Variants in SLA2 observed in about 807,000 individuals in gnomAD.
The protein encoded by SLA2 is Src like adaptor 2, also known as src-like-adapter 2.
In SLA2, 22 loss-of-function variants were observed where a neutral mutation model predicts 27.3. That is an observed-to-expected ratio of 0.81 (90% CI 0.58 to 1.15). The LOEUF is 1.15. Ranked by LOEUF, SLA2 falls within the 50% of genes most tolerant of loss-of-function variation. The pLI is 0.00. For synonymous variants in SLA2, 131 were observed against 137.8 expected (o/e 0.95, Z 0.34); for missense variants, 304 against 322.2 (o/e 0.94, Z 0.43).
chr20:36,633,293 A>T (rs1418739116), intron 4 of SLA2, among the ~76,000 whole-genome samples: 2 of 151,752 alleles, frequency 1.3e-5, no homozygotes, highest in Non-Finnish European at 2.9e-5. Flanking sequence ...CCACCACGAG[A>T]TCCTGGCAAC....
At chr20:36,636,491 G>C (rs2039448722) in intron 2 of SLA2, among the ~76,000 whole-genome samples, 1 of 148,910 alleles carries the variant, frequency 6.7e-6, no homozygotes, top group South Asian at 2.1e-4. Context: ...TGTAGTCCCA[G>C]CTACTCAGGA....
At chr20:36,618,218 T>C (rs1349208462) in intron 5 of SLA2, among the ~76,000 whole-genome samples, 1 of 151,554 alleles carries the variant, frequency 6.6e-6, no homozygotes, top group East Asian at 1.9e-4. Context: ...ATAAGTAAGC[T>C]AGAATGGCTT....
At chr20:36,637,234 G>T (rs920432033) in intron 2 of SLA2, among the ~76,000 whole-genome samples, 1 of 125,932 alleles carries the variant, frequency 7.9e-6, no homozygotes, top group African/African-American at 3.2e-5. Context: ...ACGGAGTCTC[G>T]CTCTGTCGCC....
intron 5 of SLA2, among the ~76,000 whole-genome samples, chr20:36,624,861 G>A (rs912388162): frequency 6.6e-5 from 10 of 152,194 alleles, no homozygotes; most frequent in Admixed American, 3.9e-4. Flanking sequence ...GACTGACAGG[G>A]GAGCAGGTCA....
chr20:36,645,620 C>T (rs1380139405), intron 1 of SLA2, among the ~76,000 whole-genome samples: 1 of 152,132 alleles, frequency 6.6e-6, no homozygotes, highest in East Asian at 1.9e-4. Context: ...AGAGCGTAAG[C>T]TCCAAGAGGA....
intron 2 of SLA2, among the ~76,000 whole-genome samples, chr20:36,638,869 G>A (rs1349520115): frequency 3.3e-5 from 5 of 151,644 alleles, no homozygotes; most frequent in African/African-American, 2.4e-5. Flanking sequence ...TTTTTGAGAC[G>A]GAGTTTTGCT....
chr20:36,632,064 A>G (rs1294129143), intron 5 of SLA2, among the ~76,000 whole-genome samples: 1 of 152,100 alleles, frequency 6.6e-6, no homozygotes, highest in Non-Finnish European at 1.5e-5. Flanking sequence ...ACACTCAGAG[A>G]GTCCCTGTAA....
At chr20:36,625,416 G>A (rs1223135209) in intron 5 of SLA2, among the ~76,000 whole-genome samples, 1 of 151,920 alleles carries the variant, frequency 6.6e-6, no homozygotes, top group East Asian at 1.9e-4. Flanking sequence ...ATAGAGATGG[G>A]GTTTCACCAT....
chr20:36,622,231 G>T (rs559322146), intron 5 of SLA2, among the ~76,000 whole-genome samples: 1 of 142,928 alleles, frequency 7.0e-6, no homozygotes, highest in South Asian at 2.2e-4. Context: ...AAAAAAATTA[G>T]CTGGGCATGG....
At chr20:36,622,514 T>C (rs6101481) in intron 5 of SLA2, among the ~76,000 whole-genome samples, 3,902 of 151,612 alleles carry the variant, frequency 0.026, 173 homozygotes, top group African/African-American at 0.089. Flanking sequence ...CAAATTACCA[T>C]CAATTCAGCA....
intron 2 of SLA2, among the ~76,000 whole-genome samples, chr20:36,635,251 A>C (rs902443719): frequency 6.6e-6 from 1 of 151,560 alleles, no homozygotes; most frequent in African/African-American, 2.4e-5. Flanking sequence ...CACTCACTGC[A>C]CCCTAGCATC....
At position 36,633,468 on chromosome 20, in the gene SLA2, C is replaced by G. The variant is rs899116255; in HGVS notation, c.278+75G>C. 2.3e-6 allele frequency: 3 copies of G among 1,276,668 alleles called. No individual in the cohort carries two copies. The African/African-American group carries it at 4.4e-5, about 19-fold the overall frequency. 79.1% of individuals were successfully genotyped at this position (1,276,668 alleles called of 1,614,324 possible). On this transcript the variant is annotated intron_variant, in intron 4 of 7. Transcript: ENST00000262866. Reference sequence around the variant, plus strand: ...ATCCCCAGCTTTGCTCAGCGCAGAGCCGTGCACAAAGGGGAGTTCTTGTGG... The same window carrying G: ...ATCCCCAGCTTTGCTCAGCGCAGAGGCGTGCACAAAGGGGAGTTCTTGTGG...
At chr20:36,638,596 T>TG (rs2039476443) in intron 2 of SLA2, among the ~76,000 whole-genome samples, 1 of 152,176 alleles carries the variant, frequency 6.6e-6, no homozygotes, top group Non-Finnish European at 1.5e-5. Context: ...TCCAAAGTGC[T>TG]GGGGTTACAG....
At position 36,618,906 on chromosome 20, in the gene SLA2, C is replaced by CA. The variant is rs35436767; in HGVS notation, c.383-3533dup. ...TAGGGAACAAGAGTGAACTCCATCT[C>CA]AAAAAAAAAAAAAAAAAAAAAAAAA... On this transcript the variant is annotated intron_variant, in intron 5 of 7. Transcript: ENST00000262866. 4.3e-3 allele frequency among the ~76,000 whole-genome samples: 173 copies of CA among 40,364 alleles called. 11 individuals carry two copies. The highest frequency in any genetic ancestry group is 0.017 in the East Asian group (19 of 1,094). The allele number at this position is 40,364 out of a possible 152,430, so 26.5% of individuals were successfully genotyped here. A position where few individuals can be genotyped will look rare whatever the true frequency, so the allele number is the denominator to read the frequency against.
In SLA2 at chr20:36,616,240, A is replaced by G. The variant is rs1400331967; in HGVS notation, c.383-866T>C. Among the ~76,000 whole-genome samples the G allele has an allele frequency of 2.0e-5, 3 of 151,730 alleles. No homozygotes were observed. In the East Asian group the frequency reaches 5.8e-4, roughly 29 times the overall value. ...ATGTCAGTTTTATTAGTGCTGCTCA[A>G]CCTACATGTATACATTACATACACT... On this transcript the variant is annotated intron_variant, in intron 5 of 7. Transcript: ENST00000262866.
Position 36,641,297 on chromosome 20 carries a change from G to C in SLA2, c.39C>G (p.Ser13Arg), listed in dbSNP as rs1419146186. 2 of 1,614,002 alleles carry C rather than the reference G, an allele frequency of 1.2e-6. No individual in the cohort carries two copies. Among genetic ancestry groups the C allele is most frequent in the Non-Finnish European group, 1.7e-6 (2 of 1,179,982 alleles). Residue 13 changes from serine to arginine, a missense_variant, in exon 2 of 8, where the codon AGC (serine) becomes AGG (arginine). Transcript: ENST00000262866. The stretch of plus-strand genomic sequence containing the variant: ...CTTGGACAGAGGAACTCAAGCTTGG[G>C]CTTGGCAGAGATTTTCTTCTGCTGG... ...SLPSRRKSLP[S>R]PSLSSSVQGQ...
intron 5 of SLA2, among the ~76,000 whole-genome samples, chr20:36,617,085 C>T (rs557486880): frequency 6.6e-6 from 1 of 152,048 alleles, no homozygotes; most frequent in East Asian, 1.9e-4. Context: ...GGGACGGGTG[C>T]AGTGGCTCAC....
chr20:36,618,464 C>T (rs953809025), intron 5 of SLA2, among the ~76,000 whole-genome samples: 3 of 151,894 alleles, frequency 2.0e-5, no homozygotes, highest in African/African-American at 7.2e-5. Context: ...TCTTGAACTC[C>T]TGACCTTGTG....
chr20:36,626,573 C>T (rs1341437168), intron 5 of SLA2, among the ~76,000 whole-genome samples: 2 of 149,390 alleles, frequency 1.3e-5, no homozygotes, highest in Non-Finnish European at 3.0e-5. Flanking sequence ...AAAGTCTGGG[C>T]GCGGTGGCTC....
Sources: gnomAD v4.1 joint callset for allele counts (sites outside exome capture counted in the v4.1 genomes callset) on GRCh38, gnomAD v4.1.1 for gene constraint, MANE v1.5 for transcripts, NCBI Gene and HGNC (gene_info 2026-07-23, HGNC 2026-07-21) for gene names.